Variants in GPR157 observed in about 807,000 individuals in gnomAD.
GPR157 encodes the protein G-protein coupled receptor 157.
GPR157 carries 16 observed loss-of-function variants against 23.5 expected under a neutral mutation model. That is an observed-to-expected ratio of 0.68 (90% CI 0.46 to 1.04). The LOEUF is 1.04. Among genes scored for constraint, GPR157 ranks in the 50% least tolerant of loss-of-function variants. GPR157 has a pLI of 0.00. For synonymous variants in GPR157, 200 were observed against 221.5 expected, an observed-to-expected ratio of 0.90 and a Z score of 0.86; for missense variants, 440 against 460.7, an observed-to-expected ratio of 0.96 and a Z score of 0.41.
rs779879675 is a variant in GPR157, at chr1:9,111,280, CTGTT to C, written c.589_592del (p.Asn197GlufsTer50). 5.6e-6 allele frequency: 9 copies of C among 1,614,038 alleles called. No homozygotes were observed. In the East Asian group the frequency reaches 2.0e-4, roughly 36 times the overall value. On this transcript the variant is annotated frameshift_variant, in exon 2 of 4. Coordinates refer to ENST00000377411, the MANE Select transcript of GPR157 (RefSeq NM_024980.5). LOFTEE classifies it high-confidence loss of function. Reference sequence around the variant, plus strand: ...AGCTCTAAGGGCAGCGCCTACCGCTCTGTTGATGTGCTTCCGGACCAGGAGGTAC... The same window carrying C: ...AGCTCTAAGGGCAGCGCCTACCGCTCGATGTGCTTCCGGACCAGGAGGTAC...
Position 9,111,366 on chromosome 1 carries a change from C to T in GPR157, c.507G>A (p.Trp169Ter). The stretch of plus-strand genomic sequence containing the variant: ...CCCACAGCTTCCCCGTCAGCAGCAT[C>T]CACAGGACATGGTCCTTGGCCTCCA... ...IDLEAKDHVL[W>*]MLLTGKLWEM... is the part of the protein sequence containing the mutation. Residue 169 changes from tryptophan (W) to a stop codon, truncating the protein, a stop_gained, in exon 2 of 4, where the codon TGG (tryptophan) becomes TGA (stop). Coordinates refer to ENST00000377411, the MANE Select transcript of GPR157 (RefSeq NM_024980.5). LOFTEE classifies it high-confidence loss of function. 6.2e-7 allele frequency: 1 copy of T among 1,614,226 alleles called. No individual in the cohort carries two copies. Among genetic ancestry groups the T allele is most frequent in the Non-Finnish European group, 8.5e-7 (1 of 1,180,030 alleles).
intron 1 of GPR157, among the ~76,000 whole-genome samples, chr1:9,116,652 A>G (rs1638686323): frequency 6.7e-6 from 1 of 150,324 alleles, no homozygotes; most frequent in South Asian, 2.1e-4. Flanking sequence ...CTAAGGCAGG[A>G]GAATTGATTG....
Position 9,128,157 on chromosome 1 carries a change from G to A in GPR157, c.383+488C>T, listed in dbSNP as rs961440402. 2.4e-6 allele frequency: 1 copy of A among 420,092 alleles called. No homozygotes were observed. Among genetic ancestry groups the A allele is most frequent in the Non-Finnish European group, 4.7e-6 (1 of 211,262 alleles). 26.0% of individuals were successfully genotyped at this position (420,092 alleles called of 1,614,324 possible). ...AGCACAGTCCTTTGTAAACTGTACA[G>A]CAGAGACACGGCAGCTCGGGAGTGG... On this transcript the variant is annotated intron_variant, in intron 1 of 3. Transcript: ENST00000377411. This position sits in a 1 kb window ranked among gnomAD's most constrained non-coding sequence, Gnocchi z 6.3.
At chr1:9,123,761 T>A (rs1257446047) in intron 1 of GPR157, among the ~76,000 whole-genome samples, 1 of 129,350 alleles carries the variant, frequency 7.7e-6, no homozygotes, top group Non-Finnish European at 1.6e-5. Context: ...TATTTAATAT[T>A]ATATATATTT....
Position 9,105,654 on chromosome 1 carries a change from G to A in GPR157, c.624C>T (p.Pro208=), listed in dbSNP as rs1190144820. Residue 208 remains proline, a synonymous_variant, in exon 3 of 4, where the codon CCC becomes CCT. Coordinates refer to ENST00000377411, the MANE Select transcript of GPR157 (RefSeq NM_024980.5). The surrounding 1 kb of genome is among the most constrained non-coding windows in gnomAD (Gnocchi z 4.8). ...GCAGGCGGTGCTCCTGGGAGAGGAT[G>A]GGCCGGTACTCAGAGAGTGCCGTGT... ...RAHTALSEYR[P]ILSQEHRLLR... is the part of the protein sequence containing the mutation. The A allele has an allele frequency of 6.2e-7, 1 of 1,612,256 alleles. No individual in the cohort carries two copies. The highest frequency in any genetic ancestry group is 8.5e-7 in the Non-Finnish European group (1 of 1,179,268).
rs199973020 is a variant in GPR157 at position 9,105,034 on chromosome 1, A to AACACACACACACACAC, written c.793-416_793-401dup. 1.2e-4 allele frequency among the ~76,000 whole-genome samples: 14 copies of AACACACACACACACAC among 117,052 alleles called. No homozygotes were observed. Among genetic ancestry groups the AACACACACACACACAC allele is most frequent in the African/African-American group, 4.4e-4 (13 of 29,872 alleles). 76.8% of individuals were successfully genotyped at this position (117,052 alleles called of 152,430 possible). Reference sequence around the variant, plus strand: ...CCCCAAAAAAGAGAAATGGCTGAGAAACACACACACACACACACACACACA... The same window carrying AACACACACACACACAC: ...CCCCAAAAAAGAGAAATGGCTGAGAAACACACACACACACACACACACACACACACACACACACACA... On this transcript the variant is annotated intron_variant, in intron 3 of 3. Transcript: ENST00000377411. The surrounding 1 kb of genome is among the most constrained non-coding windows in gnomAD (Gnocchi z 4.8).
At position 9,128,775 on chromosome 1, in the gene GPR157, G is replaced by A. The variant is rs776487908; in HGVS notation, c.253C>T (p.Leu85=). 1 of 1,612,082 alleles carries A rather than the reference G, an allele frequency of 6.2e-7. No individual in the cohort carries two copies. Among genetic ancestry groups the A allele is most frequent in the South Asian group, 1.1e-5 (1 of 91,022 alleles). ...GAGCTGGTGTTGGCGAAGGTGGACAGCGCGCCCTGCAGCACGCAGTCCCAC... is the reference window on the plus strand; with the variant it reads ...GAGCTGGTGTTGGCGAAGGTGGACAACGCGCCCTGCAGCACGCAGTCCCAC... ...PSWDCVLQGA[L]STFANTSSFF... The change falls in exon 1 of 4, where the codon CTG becomes TTG. Residue 85 remains leucine, a synonymous_variant. Coordinates refer to ENST00000377411, the MANE Select transcript of GPR157 (RefSeq NM_024980.5). The surrounding 1 kb of genome is among the most constrained non-coding windows in gnomAD (Gnocchi z 6.3).
Position 9,118,666 on chromosome 1 carries a change from T to G in GPR157, c.384-7177A>C, listed in dbSNP as rs955209353. Among the ~76,000 whole-genome samples, 3 of 152,176 alleles carry G rather than the reference T, an allele frequency of 2.0e-5. No individual in the cohort carries two copies. The highest frequency in any genetic ancestry group is 4.8e-5 in the African/African-American group (2 of 41,450). On this transcript the variant is annotated intron_variant, in intron 1 of 3. Coordinates refer to ENST00000377411, the MANE Select transcript of GPR157 (RefSeq NM_024980.5). This position sits in a 1 kb window ranked among gnomAD's most constrained non-coding sequence, Gnocchi z 4.6. ...TCAGAATGTGAGTGTATTTGAGAGA[T>G]AGGGTCTTTCAAGAGGTGATTAAGT...
intron 1 of GPR157, among the ~76,000 whole-genome samples, chr1:9,123,139 C>T (rs1321340863): frequency 8.2e-6 from 1 of 121,554 alleles, no homozygotes; most frequent in Admixed American, 9.2e-5. Context: ...GCCTGGGCAA[C>T]AAGAGTGAAA....
In GPR157 at chr1:9,105,653, T is replaced by G. The variant is rs758517792; in HGVS notation, c.625A>C (p.Ile209Leu). The part of the protein sequence containing the change: ...AHTALSEYRP[I>L]LSQEHRLLRH... ...AGCAGGCGGTGCTCCTGGGAGAGGA[T>G]GGGCCGGTACTCAGAGAGTGCCGTG... The change falls in exon 3 of 4, where the codon ATC (isoleucine) becomes CTC (leucine). Residue 209 changes from isoleucine to leucine, a missense_variant. Ile to Leu is a conservative substitution (Grantham distance 5, BLOSUM62 2). Coordinates refer to ENST00000377411, the MANE Select transcript of GPR157 (RefSeq NM_024980.5). This position sits in a 1 kb window ranked among gnomAD's most constrained non-coding sequence, Gnocchi z 4.8. 1 of 1,612,310 alleles carries G rather than the reference T, an allele frequency of 6.2e-7. No homozygotes were observed. The highest frequency in any genetic ancestry group is 1.3e-5 in the African/African-American group (1 of 74,868).
At chr1:9,112,219 G>C (rs1440393867) in intron 1 of GPR157, among the ~76,000 whole-genome samples, 1 of 152,242 alleles carries the variant, frequency 6.6e-6, no homozygotes, top group African/African-American at 2.4e-5. Flanking sequence ...CCCCTGGTCA[G>C]CCCTTGGGTC....
Position 9,111,305 on chromosome 1 carries a change from G to A in GPR157, c.568C>T (p.Leu190Phe). The change falls in exon 2 of 4, where the codon CTC becomes TTC. Residue 190 changes from leucine (L) to phenylalanine (F), a missense_variant. Coordinates refer to ENST00000377411, the MANE Select transcript of GPR157 (RefSeq NM_024980.5). ...CTGTTGATGTGCTTCCGGACCAGGA[G>A]GTACAGCAGAGGCAGCAGCACATAT... ...LAYVLLPLLY[L>F]LVRKHINRAH... 1 of 1,614,212 alleles carries A rather than the reference G, an allele frequency of 6.2e-7. No individual in the cohort carries two copies. The highest frequency in any genetic ancestry group is 2.2e-5 in the East Asian group (1 of 44,884).
chr1:9,123,289 T>TTAA (rs1402477743), intron 1 of GPR157, among the ~76,000 whole-genome samples: 2 of 22,646 alleles, frequency 8.8e-5, no homozygotes, highest in African/African-American at 3.3e-4. Flanking sequence ...TATATTTAAA[T>TTAA]TAATATATAT....
intron 2 of GPR157, among the ~76,000 whole-genome samples, chr1:9,110,721 G>A (rs1286807831): frequency 1.3e-5 from 2 of 152,082 alleles, no homozygotes; most frequent in East Asian, 1.9e-4. Flanking sequence ...TCTTTCGTAG[G>A]CTCTCCAGCC....
At chr1:9,127,070 G>C (rs1353032706) in intron 1 of GPR157, among the ~76,000 whole-genome samples, 1 of 151,980 alleles carries the variant, frequency 6.6e-6, no homozygotes, top group Non-Finnish European at 1.5e-5. Context: ...ATTTTTAGTA[G>C]AGACAAAGCC....
intron 1 of GPR157, among the ~76,000 whole-genome samples, chr1:9,114,639 A>C (rs949264934): frequency 6.6e-6 from 1 of 152,218 alleles, no homozygotes; most frequent in African/African-American, 2.4e-5. Context: ...CGCACTCTGT[A>C]ACTTTAGGGT....
At chr1:9,109,241 C>A (rs1275989496) in intron 2 of GPR157, among the ~76,000 whole-genome samples, 1 of 151,744 alleles carries the variant, frequency 6.6e-6, no homozygotes, top group Non-Finnish European at 1.5e-5. Context: ...TGCCACCACG[C>A]CCAGCTAATT....
At position 9,105,870 on chromosome 1, in the gene GPR157, G is replaced by A. The variant is rs1188736067; in HGVS notation, c.598-190C>T. On this transcript the variant is annotated intron_variant, in intron 2 of 3. Coordinates refer to ENST00000377411, the MANE Select transcript of GPR157 (RefSeq NM_024980.5). This position sits in a 1 kb window ranked among gnomAD's most constrained non-coding sequence, Gnocchi z 4.8. ...GCCCAGTCCCCACCTCCACATGGAG[G>A]TCTCAAAGTCATCTGAAACAGCTCA... 6.6e-6 allele frequency among the ~76,000 whole-genome samples: 1 copy of A among 152,052 alleles called. No individual in the cohort carries two copies. The highest frequency in any genetic ancestry group is 1.5e-5 in the Non-Finnish European group (1 of 68,004).
At chr1:9,124,511 C>A (rs1638923606) in intron 1 of GPR157, among the ~76,000 whole-genome samples, 1 of 152,158 alleles carries the variant, frequency 6.6e-6, no homozygotes, top group African/African-American at 2.4e-5. Flanking sequence ...TGGAATGCGA[C>A]CCTTGTGGAG....
Sources: allele counts gnomAD v4.1 joint callset (sites outside exome capture counted in the v4.1 genomes callset), GRCh38; gene constraint gnomAD v4.1.1; non-coding constraint Gnocchi (gnomAD v3.1); transcripts MANE v1.5; gene names NCBI Gene and HGNC (gene_info 2026-07-23, HGNC 2026-07-21).